Variants in TIMP2 observed in about 807,000 individuals in gnomAD.
TIMP2 encodes the protein TIMP metallopeptidase inhibitor 2, also known as metalloproteinase inhibitor 2.
In TIMP2, 5 loss-of-function variants were observed where a neutral mutation model predicts 24.3. The observed-to-expected ratio is 0.21, with a 90% CI of 0.11 to 0.43. The LOEUF (loss-of-function observed/expected upper bound fraction) is 0.43, where lower values mean the gene tolerates loss of function less well. TIMP2 is among the 20% of genes least tolerant of loss of function. The probability of loss-of-function intolerance (pLI) is 1.00; values close to 1 mark genes in which losing one functional copy is unlikely to be tolerated. For synonymous variants in TIMP2, 130 were observed against 123.2 expected, an observed-to-expected ratio of 1.06 and a Z score of -0.37; for missense variants, 221 against 297.5, an observed-to-expected ratio of 0.74 and a Z score of 1.89.
intron 3 of TIMP2, among the ~76,000 whole-genome samples, chr17:78,866,820 A>T (rs921550818): frequency 5.3e-5 from 8 of 152,186 alleles, no homozygotes; most frequent in African/African-American, 1.9e-4. Flanking sequence ...AAAGCCCAGC[A>T]TAGAGAAATC....
In TIMP2 at chr17:78,918,078, A is replaced by ACACACACT. The variant is rs1555652982; in HGVS notation, c.130+6880_130+6881insAGTGTGTG. Among the ~76,000 whole-genome samples, 310 of 149,238 alleles carry ACACACACT rather than the reference A, an allele frequency of 2.1e-3. 10 individuals carry two copies. In the East Asian group the frequency reaches 0.051, roughly 25 times the overall value. On this transcript the variant is annotated intron_variant, in intron 1 of 4. Transcript: ENST00000262768. Reference sequence around the variant, plus strand: ...CGTGCACACACAAACACACACACACACACACACACACACACACACACAACT... The same window carrying ACACACACT: ...CGTGCACACACAAACACACACACACACACACACTCACACACACACACACACACACAACT...
chr17:78,910,393 A>G (rs942024125), intron 1 of TIMP2, among the ~76,000 whole-genome samples: 1 of 152,040 alleles, frequency 6.6e-6, no homozygotes, highest in African/African-American at 2.4e-5. Flanking sequence ...AGGTTTCACC[A>G]TTTTGGCCAG....
chr17:78,921,315 C>T (rs1272864213), intron 1 of TIMP2, among the ~76,000 whole-genome samples: 3 of 152,192 alleles, frequency 2.0e-5, no homozygotes, highest in African/African-American at 4.8e-5. Context: ...TGGAGCTCCT[C>T]GGGGGATTTG....
chr17:78,880,573 C>T (rs191630117), intron 1 of TIMP2, among the ~76,000 whole-genome samples: 4 of 152,056 alleles, frequency 2.6e-5, no homozygotes, highest in South Asian at 2.1e-4. Context: ...ATTAGCTGGG[C>T]GTGGTGGCAT....
At chr17:78,894,142 C>T (rs1044600633) in intron 1 of TIMP2, among the ~76,000 whole-genome samples, 5 of 152,100 alleles carry the variant, frequency 3.3e-5, no homozygotes, top group Admixed American at 6.6e-5. Context: ...GAGCACTGGG[C>T]ATGTATCCGT....
intron 3 of TIMP2, among the ~76,000 whole-genome samples, chr17:78,870,679 T>G (rs982660724): frequency 2.6e-5 from 4 of 152,162 alleles, no homozygotes; most frequent in African/African-American, 7.2e-5. Context: ...CCCTTTTTTT[T>G]GTCCACCAAT....
intron 1 of TIMP2, among the ~76,000 whole-genome samples, chr17:78,893,412 CATA>C (rs2069945893): frequency 1.5e-5 from 1 of 65,768 alleles, no homozygotes; most frequent in Non-Finnish European, 2.8e-5. Context: ...GGTGTGTGTG[CATA>C]GGGGTGTGTG....
Position 78,853,993 on chromosome 17 carries a change from G to C in TIMP2, c.*1674C>G, listed in dbSNP as rs945415797. 3.3e-5 allele frequency: 5 copies of C among 152,140 alleles called. No individual in the cohort carries two copies. Among genetic ancestry groups the C allele is most frequent in the African/African-American group, 1.2e-4 (5 of 41,412 alleles). The allele number at this position is 152,140 out of a possible 1,614,324, so 9.4% of individuals were successfully genotyped here. On this transcript the variant is annotated 3_prime_UTR_variant, in exon 5 of 5. Transcript: ENST00000262768. ...CCCGTGGGGCAGGGGCCGATTCCTG[G>C]ATACCCTCCCAGTCTGCCCTAGAAA...
chr17:78,924,893 C>T lies in TIMP2; in HGVS notation c.130+66G>A. The T allele has an allele frequency of 9.5e-7, 1 of 1,051,930 alleles. No individual in the cohort carries two copies. The highest frequency in any genetic ancestry group is 1.2e-6 in the Non-Finnish European group (1 of 850,676). 65.2% of individuals were successfully genotyped at this position (1,051,930 alleles called of 1,614,324 possible). ...GGCCAGCGGCGGGCGGGCGGGGCGT[C>T]TGCGAACCCTCGGGGTCGCGGGGGA... On this transcript the variant is annotated intron_variant, in intron 1 of 4. Transcript: ENST00000262768. This position sits in a 1 kb window ranked among gnomAD's most constrained non-coding sequence, Gnocchi z 5.3.
At position 78,855,832 on chromosome 17, in the gene TIMP2, G is replaced by A. The variant is rs891016484; in HGVS notation, c.498C>T (p.Ile166=). The A allele has an allele frequency of 6.2e-7, 1 of 1,614,012 alleles. No individual in the cohort carries two copies. Among genetic ancestry groups the A allele is most frequent in the Admixed American group, 1.7e-5 (1 of 60,002 alleles). The change falls in exon 5 of 5, where the codon ATC becomes ATT. Residue 166 remains isoleucine (I), a synonymous_variant. Coordinates refer to ENST00000262768, the MANE Select transcript of TIMP2 (RefSeq NM_003255.5). The surrounding 1 kb of genome is among the most constrained non-coding windows in gnomAD (Gnocchi z 6.0). ...ITRCPMIPCY[I]SSPDECLWMD... ...TCCAGAGGCACTCGTCCGGGGAGGA[G>A]ATGTAGCACGGGATCATGGGGCAGC...
intron 1 of TIMP2, chr17:78,903,272 A>T (rs1408346613): frequency 2.6e-5 from 4 of 152,400 alleles, no homozygotes; most frequent in African/African-American, 9.6e-5. Flanking sequence ...GGTCAGGGAC[A>T]GCTGTGAGCC....
intron 1 of TIMP2, among the ~76,000 whole-genome samples, chr17:78,912,285 G>A (rs1392433177): frequency 6.6e-6 from 1 of 152,188 alleles, no homozygotes; most frequent in East Asian, 1.9e-4. Context: ...AGCTGTTGGC[G>A]GGTGCTCTGT....
At chr17:78,866,800 C>T (rs1338514711) in intron 3 of TIMP2, among the ~76,000 whole-genome samples, 2 of 152,112 alleles carry the variant, frequency 1.3e-5, no homozygotes, top group Non-Finnish European at 2.9e-5. Context: ...CGTATGATTC[C>T]GTTCCCAGGA....
chr17:78,919,172 C>T (rs575377197), intron 1 of TIMP2, among the ~76,000 whole-genome samples: 4 of 152,362 alleles, frequency 2.6e-5, no homozygotes, highest in South Asian at 2.1e-4. Flanking sequence ...CTCCAGCACG[C>T]GGAGTTAGGC....
intron 3 of TIMP2, among the ~76,000 whole-genome samples, chr17:78,867,027 T>C (rs1187016419): frequency 2.0e-5 from 3 of 152,146 alleles, no homozygotes; most frequent in African/African-American, 7.2e-5. Flanking sequence ...TTGGAAGGCC[T>C]AGGCGGGCAG....
At chr17:78,893,355 G>A in intron 1 of TIMP2, among the ~76,000 whole-genome samples, 1 of 148,230 alleles carries the variant, frequency 6.7e-6, no homozygotes, top group African/African-American at 2.6e-5. Context: ...GCAGGGGTGT[G>A]TGTGCAGGGG....
At chr17:78,882,771 C>A (rs1164597304) in intron 1 of TIMP2, among the ~76,000 whole-genome samples, 1 of 152,254 alleles carries the variant, frequency 6.6e-6, no homozygotes, top group Non-Finnish European at 1.5e-5. Context: ...ACGGAACTGC[C>A]CAGGGGCACG....
At chr17:78,901,834 G>A (rs1459581428) in intron 1 of TIMP2, 6 of 710,700 alleles carry the variant, frequency 8.4e-6, no homozygotes, top group Non-Finnish European at 1.6e-5. Flanking sequence ...CACATTACAG[G>A]GAGGCAGAAG....
At chr17:78,856,003 G>T in intron 4 of TIMP2, 139 bp from the exon 5 acceptor site, 1 of 855,166 alleles carries the variant, frequency 1.2e-6, no homozygotes, top group African/African-American at 1.7e-5. Flanking sequence ...CGAGACCCAC[G>T]GTTCCTGCAG....
Sources: allele counts gnomAD v4.1 joint callset (sites outside exome capture counted in the v4.1 genomes callset), GRCh38; gene constraint gnomAD v4.1.1; non-coding constraint Gnocchi (gnomAD v3.1); transcripts MANE v1.5; gene names NCBI Gene and HGNC (gene_info 2026-07-23, HGNC 2026-07-21).